RARRES1: variants seen among roughly 807,000 people sequenced by gnomAD.
RARRES1 encodes the protein retinoic acid receptor responder 1, also known as retinoic acid receptor responder protein 1.
Under a neutral mutation model 30.6 loss-of-function variants are expected in RARRES1, and 34 were observed. The observed-to-expected ratio is 1.11, with a 90% CI of 0.84 to 1.48. The LOEUF (loss-of-function observed/expected upper bound fraction) is 1.48. RARRES1 is among the 40% of genes most tolerant of loss of function. RARRES1 has a pLI of 0.00. For synonymous variants in RARRES1, 153 were observed against 155.5 expected (o/e 0.98, Z 0.12); for missense variants, 373 against 386.5 (o/e 0.97, Z 0.29).
chr3:158,704,835 C>G lies in RARRES1; in HGVS notation c.628G>C (p.Val210Leu). 1 of 1,614,050 alleles carries G rather than the reference C, an allele frequency of 6.2e-7. No individual in the cohort carries two copies. Among genetic ancestry groups the G allele is most frequent in the African/African-American group, 1.3e-5 (1 of 75,020 alleles). The change falls in exon 4 of 6, where the codon GTG becomes CTG. Residue 210 changes from valine to leucine, a missense_variant. Physicochemically the swap from Val to Leu is conservative, Grantham distance 32. Transcript: ENST00000237696. ...AGCTGTGCCAAGTAGTAGTGTGACA[C>G]CTGTGTTGTCATTTCCCACATCACG... ...SYVMWEMTTQ[V>L]SHYYLAQLTS...
intron 1 of RARRES1, among the ~76,000 whole-genome samples, chr3:158,730,667 G>A (rs578142506): frequency 2.0e-5 from 3 of 152,084 alleles, no homozygotes; most frequent in African/African-American, 7.2e-5. Flanking sequence ...ACCCAGACTG[G>A]TCTACAACTC....
chr3:158,697,633 G>C lies in RARRES1; in HGVS notation c.*45C>G. On this transcript the variant is annotated 3_prime_UTR_variant, in exon 6 of 6. Coordinates refer to ENST00000237696, the MANE Select transcript of RARRES1 (RefSeq NM_206963.2). ...TTTACTAGAAGAATGATTTATGCTAGTATAGTCACTTGTTTAGAAGTCGGA... is the reference window on the plus strand; with the variant it reads ...TTTACTAGAAGAATGATTTATGCTACTATAGTCACTTGTTTAGAAGTCGGA... 1 of 1,537,730 alleles carries C rather than the reference G, an allele frequency of 6.5e-7. No homozygotes were observed. Among genetic ancestry groups the C allele is most frequent in the Non-Finnish European group, 8.9e-7 (1 of 1,117,734 alleles).
chr3:158,730,093 G>A (rs150654475), intron 1 of RARRES1, among the ~76,000 whole-genome samples: 1 of 151,928 alleles, frequency 6.6e-6, no homozygotes, highest in African/African-American at 2.4e-5. Context: ...AGACCCAGGC[G>A]GCCAGATCAC....
rs759742220 is a variant in RARRES1, at chr3:158,732,307, G to A, written c.109C>T (p.Pro37Ser). Residue 37 changes from proline (P) to serine (S), a missense_variant, in exon 1 of 6, where the codon CCC becomes TCC. Physicochemically the swap from Pro to Ser is moderately conservative, Grantham distance 74 (BLOSUM62 -1). Transcript: ENST00000237696. ...TCGTCGGGGTCCCCGGACCCCGCGG[G>A]CGCCGCCACCGGGGCGAGCAACAGC... Reference protein sequence around the residue: ...LLLLLAPVAAPAGSGDPDDPG... With the variant: ...LLLLLAPVAASAGSGDPDDPG... The A allele has an allele frequency of 1.5e-6, 2 of 1,344,630 alleles. No individual in the cohort carries two copies. Among genetic ancestry groups the A allele is most frequent in the Non-Finnish European group, 1.9e-6 (2 of 1,057,802 alleles). 83.3% of individuals were successfully genotyped at this position (1,344,630 alleles called of 1,614,324 possible). A position where few individuals can be genotyped will look rare whatever the true frequency, so the allele number is the denominator to read the frequency against.
intron 3 of RARRES1, 37 bp from the exon 4 acceptor site, chr3:158,704,964 AT>A: frequency 6.3e-7 from 1 of 1,584,092 alleles, no homozygotes; most frequent in Non-Finnish European, 8.6e-7. Context: ...GTATTAATGC[AT>A]TTTTGAGACA....
At chr3:158,711,024 C>A in intron 2 of RARRES1, 91 bp from the exon 3 acceptor site, 1 of 1,231,562 alleles carries the variant, frequency 8.1e-7, no homozygotes, top group South Asian at 1.4e-5. Flanking sequence ...TTGTACAAGG[C>A]AGGCAGGCTC....
rs1726569317 is a variant in RARRES1 at position 158,697,084 on chromosome 3, C to T, written c.*594G>A. 6.6e-6 allele frequency: 1 copy of T among 152,100 alleles called. No individual in the cohort carries two copies. Among genetic ancestry groups the T allele is most frequent in the South Asian group, 2.1e-4 (1 of 4,834 alleles). The allele number at this position is 152,100 out of a possible 1,614,324, so 9.4% of individuals were successfully genotyped here. A position where few individuals can be genotyped will look rare whatever the true frequency, so the allele number is the denominator to read the frequency against. On this transcript the variant is annotated 3_prime_UTR_variant, in exon 6 of 6. Coordinates refer to ENST00000237696, the MANE Select transcript of RARRES1 (RefSeq NM_206963.2). The stretch of plus-strand genomic sequence containing the variant: ...AATTTTTCCTTTGTATACAAATCTT[C>T]ACGAGAACATTCAACACATTTCATT...
chr3:158,715,764 C>G (rs924598219), intron 1 of RARRES1, among the ~76,000 whole-genome samples: 1 of 152,160 alleles, frequency 6.6e-6, no homozygotes, highest in African/African-American at 2.4e-5. Context: ...TCCTGAAACA[C>G]CCAATGAGTA....
chr3:158,711,869 C>T (rs1727147201), intron 2 of RARRES1, among the ~76,000 whole-genome samples: 1 of 152,174 alleles, frequency 6.6e-6, no homozygotes, highest in Admixed American at 6.5e-5. Flanking sequence ...GCTGGGATTA[C>T]AGGCATGAGC....
At chr3:158,718,735 CTT>C (rs775996822) in intron 1 of RARRES1, among the ~76,000 whole-genome samples, 8 of 152,194 alleles carry the variant, frequency 5.3e-5, no homozygotes, top group Non-Finnish European at 1.0e-4. Flanking sequence ...GGAGGTGGGG[CTT>C]TAGAGGCACT....
intron 1 of RARRES1, among the ~76,000 whole-genome samples, chr3:158,716,474 T>A (rs1302143342): frequency 1.3e-5 from 2 of 152,180 alleles, no homozygotes; most frequent in African/African-American, 4.8e-5. Context: ...GCAACAGTGC[T>A]CTGGAAACAC....
chr3:158,704,716 C>A, intron 4 of RARRES1, 75 bp downstream of exon 4: 2 of 1,514,698 alleles, frequency 1.3e-6, no homozygotes, highest in South Asian at 1.3e-5. Flanking sequence ...ATTAGAAGTT[C>A]GCATGAATTC....
intron 4 of RARRES1, among the ~76,000 whole-genome samples, chr3:158,704,250 A>G (rs1262056176): frequency 4.5e-5 from 5 of 111,034 alleles, no homozygotes; most frequent in Admixed American, 1.2e-4. Flanking sequence ...TTTTTGAGAC[A>G]GAGATGGCAT....
At position 158,697,764 on chromosome 3, in the gene RARRES1, G is replaced by A; in HGVS notation, c.799C>T (p.His267Tyr). Residue 267 changes from histidine to tyrosine, a missense_variant, in exon 6 of 6, where the codon CAC becomes TAC. By Grantham distance (83) the His-to-Tyr change is moderately conservative. Coordinates refer to ENST00000237696, the MANE Select transcript of RARRES1 (RefSeq NM_206963.2). The stretch of plus-strand genomic sequence containing the variant: ...TCTGGTGTCTGTAGCTCTTGACAGT[G>A]GTACTTCACTTTAAGAGGTTTGCCA... ...YPGKPLKVKY[H>Y]CQELQTPEEA... The A allele has an allele frequency of 6.2e-7, 1 of 1,610,134 alleles. No individual in the cohort carries two copies. The highest frequency in any genetic ancestry group is 8.5e-7 in the Non-Finnish European group (1 of 1,176,418).
At chr3:158,726,152 CCTCT>C (rs1447440610) in intron 1 of RARRES1, among the ~76,000 whole-genome samples, 3 of 151,974 alleles carry the variant, frequency 2.0e-5, no homozygotes, top group Non-Finnish European at 4.4e-5. Context: ...TTATCTTCTC[CCTCT>C]ATGTTCATTG....
intron 1 of RARRES1, among the ~76,000 whole-genome samples, chr3:158,714,159 T>G (rs1021729376): frequency 1.3e-5 from 2 of 152,110 alleles, no homozygotes; most frequent in Admixed American, 1.3e-4. Flanking sequence ...TGCAGGGAGC[T>G]GGAGGGAATT....
At chr3:158,731,313 T>G (rs369360666) in intron 1 of RARRES1, among the ~76,000 whole-genome samples, 59 of 152,206 alleles carry the variant, frequency 3.9e-4, no homozygotes, top group African/African-American at 1.4e-3. Context: ...TGAGGCCGTG[T>G]GTCTGCAGGC....
chr3:158,701,359 CTT>C (rs367676229), intron 4 of RARRES1, among the ~76,000 whole-genome samples: 29 of 142,686 alleles, frequency 2.0e-4, no homozygotes, highest in Admixed American at 1.9e-3. Flanking sequence ...TTCAGTCTTT[CTT>C]TTTTTTTTTT....
intron 1 of RARRES1, among the ~76,000 whole-genome samples, chr3:158,716,281 A>G (rs1017602540): frequency 2.6e-5 from 4 of 152,228 alleles, no homozygotes; most frequent in Admixed American, 1.3e-4. Flanking sequence ...GGTGAAAGCC[A>G]TAGAATTTGA....
Sources: gnomAD v4.1 joint callset for allele counts (sites outside exome capture counted in the v4.1 genomes callset) on GRCh38, gnomAD v4.1.1 for gene constraint, MANE v1.5 for transcripts, NCBI Gene and HGNC (gene_info 2026-07-23, HGNC 2026-07-21) for gene names.